UACA: variants seen among roughly 807,000 people sequenced by gnomAD.
UACA encodes the protein nuclear membrane binding protein.
Under a neutral mutation model 160.5 loss-of-function variants are expected in UACA, and 112 were observed. That is an observed-to-expected ratio of 0.70 (90% CI 0.60 to 0.82). The LOEUF is 0.82. Ranked by LOEUF, UACA falls within the 40% of genes least tolerant of loss-of-function variation. The pLI is 0.00. For synonymous variants in UACA, 557 were observed against 568.4 expected (o/e 0.98, Z 0.29); for missense variants, 1,574 against 1,614.6 (o/e 0.97, Z 0.43).
At chr15:70,773,351 TA>T in the UACA span, among the ~76,000 whole-genome samples, 1 of 152,074 alleles carries the variant, frequency 6.6e-6, no homozygotes, top group Non-Finnish European at 1.5e-5. Context: ...TGGGAGGTGA[TA>T]GGGTGTTCTG....
rs770213192 is a variant in UACA, at chr15:70,664,609, C to A, written c.4113+53G>T. 4.5e-5 allele frequency: 70 copies of A among 1,549,572 alleles called. No homozygotes were observed. The Admixed American group carries it at 9.1e-4, about 20-fold the overall frequency. On this transcript the variant is annotated intron_variant, in intron 17 of 18. Coordinates refer to ENST00000322954, the MANE Select transcript of UACA (RefSeq NM_018003.4). Reference sequence around the variant, plus strand: ...TTTCTAAATGAGCCTTACAAACTAACTACAGGGAGCCAGCACATATTCCTG... The same window carrying A: ...TTTCTAAATGAGCCTTACAAACTAAATACAGGGAGCCAGCACATATTCCTG...
At chr15:70,685,409 C>T (rs1009700161) in intron 7 of UACA, among the ~76,000 whole-genome samples, 15 of 152,164 alleles carry the variant, frequency 9.9e-5, no homozygotes, top group African/African-American at 3.6e-4. Context: ...AGGAAACTGA[C>T]TCTTGCCTTT....
intron 1 of UACA, among the ~76,000 whole-genome samples, chr15:70,718,324 A>ATGTGTGTGTGTG (rs59313425): frequency 0.017 from 1,053 of 60,206 alleles, 81 homozygotes; most frequent in African/African-American, 0.025. Context: ...GAGAGAGAGA[A>ATGTGTGTGTGTG]TGTGTGTGTG....
chr15:70,736,288 T>C (rs998777880), intron 1 of UACA, among the ~76,000 whole-genome samples: 2 of 152,200 alleles, frequency 1.3e-5, no homozygotes, highest in African/African-American at 4.8e-5. Flanking sequence ...GAGTAAGTAG[T>C]TTCCATACTT....
intron 1 of UACA, among the ~76,000 whole-genome samples, chr15:70,748,327 C>T (rs1433605230): frequency 6.6e-6 from 1 of 152,176 alleles, no homozygotes. Flanking sequence ...CTATACACCA[C>T]TATGCACGTG....
chr15:70,763,283 G>C, intron 1 of UACA, 47 bp downstream of exon 1: 1 of 1,313,380 alleles, frequency 7.6e-7, no homozygotes, highest in Non-Finnish European at 9.8e-7. Flanking sequence ...GGAGGGCTGC[G>C]CTGCTCCCGG....
At chr15:70,704,176 A>C (rs925742568) in intron 1 of UACA, among the ~76,000 whole-genome samples, 1 of 152,196 alleles carries the variant, frequency 6.6e-6, no homozygotes, top group Non-Finnish European at 1.5e-5. Context: ...CAGTCACTAG[A>C]TTCTCACCCA....
intron 2 of UACA, among the ~76,000 whole-genome samples, chr15:70,696,796 G>C (rs2140961037): frequency 6.6e-6 from 1 of 152,250 alleles, no homozygotes; most frequent in East Asian, 1.9e-4. Context: ...AACAATCTTA[G>C]AGATATCATT....
At position 70,659,833 on chromosome 15, in the gene UACA, C is replaced by T. The variant is rs768284992; in HGVS notation, c.4179+318G>A. On this transcript the variant is annotated intron_variant, in intron 18 of 18. Transcript: ENST00000322954. ...CCACTCTCCTCTTAGATGACAGCCA[C>T]ACGTGGATGTCAAGGCATTATCTCC... Among the ~76,000 whole-genome samples the T allele has an allele frequency of 1.1e-4, 16 of 152,146 alleles. No homozygotes were observed. The South Asian group carries it at 1.5e-3, about 14-fold the overall frequency.
At chr15:70,737,709 AAAAATAAAATAAAAT>A (rs550968633) in intron 1 of UACA, among the ~76,000 whole-genome samples, 1 of 152,174 alleles carries the variant, frequency 6.6e-6, no homozygotes, top group African/African-American at 2.4e-5. Context: ...CTCCATCTCA[AAAAATAAAATAAAAT>A]AAAATAAAAT....
At chr15:70,680,011 C>T (rs1469431479) in intron 9 of UACA, 1 of 148,564 alleles carries the variant, frequency 6.7e-6, no homozygotes, top group African/African-American at 2.5e-5. Flanking sequence ...CACTGCATTG[C>T]CAACTACTAA....
intron 1 of UACA, among the ~76,000 whole-genome samples, chr15:70,742,082 GCTGAT>G (rs1566996590): frequency 6.6e-6 from 1 of 152,152 alleles, no homozygotes; most frequent in Non-Finnish European, 1.5e-5. Context: ...TAGAAAACTT[GCTGAT>G]CTATTTTCTC....
intron 7 of UACA, among the ~76,000 whole-genome samples, chr15:70,686,453 T>C (rs1310937957): frequency 6.6e-6 from 1 of 151,212 alleles, no homozygotes; most frequent in Non-Finnish European, 1.5e-5. Flanking sequence ...ATGCTTGAGT[T>C]AAGATAAGGG....
At chr15:70,754,107 A>G (rs929526475) in intron 1 of UACA, 1 of 455,630 alleles carries the variant, frequency 2.2e-6, no homozygotes, top group African/African-American at 2.0e-5. Context: ...CGCCCAGCCT[A>G]TATTTGGTTT....
At chr15:70,773,601 A>T in the UACA span, among the ~76,000 whole-genome samples, 1 of 152,174 alleles carries the variant, frequency 6.6e-6, no homozygotes, top group African/African-American at 2.4e-5. Flanking sequence ...CAGTAACAGG[A>T]TAAAGGCAAA....
intron 1 of UACA, among the ~76,000 whole-genome samples, chr15:70,722,183 A>T (rs1899013219): frequency 6.6e-6 from 1 of 152,356 alleles, no homozygotes; most frequent in South Asian, 2.1e-4. Flanking sequence ...ACGGCCTTCA[A>T]ACTCCTTATA....
chr15:70,758,090 C>T (rs1288723691), intron 1 of UACA, among the ~76,000 whole-genome samples: 7 of 152,174 alleles, frequency 4.6e-5, no homozygotes, highest in Non-Finnish European at 1.0e-4. Flanking sequence ...AATCATTACA[C>T]CATCCTTATT....
intron 1 of UACA, among the ~76,000 whole-genome samples, chr15:70,754,742 CA>C (rs2141014844): frequency 6.6e-6 from 1 of 152,308 alleles, no homozygotes; most frequent in East Asian, 1.9e-4. Context: ...ACAAAGCCAA[CA>C]GACAAAACTG....
chr15:70,723,410 A>G (rs1377536748), intron 1 of UACA, among the ~76,000 whole-genome samples: 1 of 152,204 alleles, frequency 6.6e-6, no homozygotes, highest in Admixed American at 6.5e-5. Context: ...TACTGTTCTT[A>G]AGACCAAAGT....
Sources: gnomAD v4.1 joint callset for allele counts (sites outside exome capture counted in the v4.1 genomes callset) on GRCh38, gnomAD v4.1.1 for gene constraint, MANE v1.5 for transcripts, NCBI Gene and HGNC (gene_info 2026-07-23, HGNC 2026-07-21) for gene names.